SHROOM3: variants seen among roughly 807,000 people sequenced by gnomAD.
SHROOM3 encodes the protein protein Shroom3.
In SHROOM3, 47 loss-of-function variants were observed where a neutral mutation model predicts 138.6. That is an observed-to-expected ratio of 0.34 (90% CI 0.27 to 0.43). SHROOM3 has a LOEUF of 0.43. Ranked by LOEUF, SHROOM3 falls within the 20% of genes least tolerant of loss-of-function variation. The probability of loss-of-function intolerance (pLI) is 1.00; values close to 1 mark genes in which losing one functional copy is unlikely to be tolerated. For synonymous variants in SHROOM3, 1,062 were observed against 1,063.3 expected (o/e 1.00, Z 0.02); for missense variants, 2,491 against 2,596.5 (o/e 0.96, Z 0.88).
rs551826564 is a variant in SHROOM3, at chr4:76,613,672, A to G, written c.323+57909A>G. Among the ~76,000 whole-genome samples the G allele has an allele frequency of 5.3e-4, 81 of 152,248 alleles. 1 individual carries two copies. Among genetic ancestry groups the G allele is most frequent in the Admixed American group, 5.9e-4 (9 of 15,296 alleles). On this transcript the variant is annotated intron_variant, in intron 2 of 10. Coordinates refer to ENST00000296043, the MANE Select transcript of SHROOM3 (RefSeq NM_020859.4). Reference sequence around the variant, plus strand: ...CTTCCATTCGACTCCTCTTGTTATAATGTTGATAGCAAGGAAGAGAGGGCC... The same window carrying G: ...CTTCCATTCGACTCCTCTTGTTATAGTGTTGATAGCAAGGAAGAGAGGGCC...
intron 2 of SHROOM3, among the ~76,000 whole-genome samples, chr4:76,665,287 G>A (rs1041708764): frequency 1.3e-5 from 2 of 152,146 alleles, no homozygotes; most frequent in African/African-American, 4.8e-5. Flanking sequence ...CATGTGGCCT[G>A]GCTGGGATCC....
chr4:76,576,548 CA>C (rs1287830463), intron 2 of SHROOM3, among the ~76,000 whole-genome samples: 1 of 152,074 alleles, frequency 6.6e-6, no homozygotes, highest in Non-Finnish European at 1.5e-5. Flanking sequence ...TTAATGCATA[CA>C]AAAAGGTAGG....
At chr4:76,437,586 T>C (rs1313296762) in intron 1 of SHROOM3, among the ~76,000 whole-genome samples, 2 of 152,220 alleles carry the variant, frequency 1.3e-5, no homozygotes, top group African/African-American at 4.8e-5. Flanking sequence ...TTCATCTCAT[T>C]AACCAGAACT....
intron 1 of SHROOM3, among the ~76,000 whole-genome samples, chr4:76,491,152 A>C (rs1731841519): frequency 6.6e-6 from 1 of 152,020 alleles, no homozygotes; most frequent in South Asian, 2.1e-4. Context: ...AAGATGGAAG[A>C]CTCCCTGAGA....
intron 2 of SHROOM3, among the ~76,000 whole-genome samples, chr4:76,590,081 G>GCT (rs1230155244): frequency 6.6e-6 from 1 of 152,138 alleles, no homozygotes. Context: ...GCACTAAAAT[G>GCT]CTTCAGGCCA....
At chr4:76,654,881 A>C (rs765112860) in intron 2 of SHROOM3, among the ~76,000 whole-genome samples, 24 of 152,324 alleles carry the variant, frequency 1.6e-4, no homozygotes, top group Admixed American at 3.3e-4. Flanking sequence ...CAAAGGAGAA[A>C]GTTGCTTAGC....
chr4:76,490,512 G>A (rs954045237), intron 1 of SHROOM3, among the ~76,000 whole-genome samples: 5 of 151,980 alleles, frequency 3.3e-5, no homozygotes, highest in African/African-American at 1.2e-4. Context: ...GTCTCGGCCT[G>A]TCAAAGTGCT....
chr4:76,485,727 A>G (rs910106088), intron 1 of SHROOM3, among the ~76,000 whole-genome samples: 1 of 152,218 alleles, frequency 6.6e-6, no homozygotes, highest in African/African-American at 2.4e-5. Context: ...TTGAAAATAA[A>G]TAGAAGAGAG....
At chr4:76,651,671 G>T (rs142866826) in intron 2 of SHROOM3, among the ~76,000 whole-genome samples, 13 of 152,022 alleles carry the variant, frequency 8.6e-5, no homozygotes, top group African/African-American at 3.1e-4. Context: ...GCCAGCTAGT[G>T]CTGCATTTTC....
chr4:76,620,125 T>C (rs997097627), intron 2 of SHROOM3, among the ~76,000 whole-genome samples: 2 of 147,436 alleles, frequency 1.4e-5, no homozygotes, highest in African/African-American at 5.0e-5. Context: ...TAGGATTTGA[T>C]CACTAATTTT....
intron 1 of SHROOM3, among the ~76,000 whole-genome samples, chr4:76,538,627 T>C (rs1733032361): frequency 6.6e-6 from 1 of 152,292 alleles, no homozygotes; most frequent in African/African-American, 2.4e-5. Flanking sequence ...GAAAAAATGT[T>C]CTGAAATTTG....
intron 1 of SHROOM3, among the ~76,000 whole-genome samples, chr4:76,488,321 G>C (rs892474053): frequency 6.6e-6 from 1 of 152,246 alleles, no homozygotes; most frequent in East Asian, 1.9e-4. Context: ...TGAGGTCCTA[G>C]AATTAATGGA....
intron 1 of SHROOM3, among the ~76,000 whole-genome samples, chr4:76,489,729 TC>T (rs1374557134): frequency 6.6e-6 from 1 of 152,148 alleles, no homozygotes; most frequent in African/African-American, 2.4e-5. Flanking sequence ...CTTGGGACTC[TC>T]CTTTGTCAAT....
rs60097827 is a variant in SHROOM3, at chr4:76,633,192, G to A, written c.324-76964G>A. Reference sequence around the variant, plus strand: ...TTGAGACCATCCTGGCTAACTTGGTGAGTCTCTATGTGGTGGCACACATCC... The same window carrying A: ...TTGAGACCATCCTGGCTAACTTGGTAAGTCTCTATGTGGTGGCACACATCC... On this transcript the variant is annotated intron_variant, in intron 2 of 10. Coordinates refer to ENST00000296043, the MANE Select transcript of SHROOM3 (RefSeq NM_020859.4). Among the ~76,000 whole-genome samples the A allele has an allele frequency of 2.9e-3, 444 of 151,760 alleles. 2 individuals carry two copies. Among genetic ancestry groups the A allele is most frequent in the African/African-American group, 0.01 (425 of 41,368 alleles).
At chr4:76,753,014 T>C (rs1721681223) in intron 6 of SHROOM3, among the ~76,000 whole-genome samples, 1 of 152,150 alleles carries the variant, frequency 6.6e-6, no homozygotes, top group South Asian at 2.1e-4. Context: ...ACGTCACTGT[T>C]CAACAGACAT....
At chr4:76,676,432 G>A (rs943700414) in intron 2 of SHROOM3, among the ~76,000 whole-genome samples, 7 of 152,040 alleles carry the variant, frequency 4.6e-5, no homozygotes, top group African/African-American at 1.7e-4. Flanking sequence ...TGTTTTAATG[G>A]TATCAATAGA....
At chr4:76,569,951 C>G (rs896873129) in intron 2 of SHROOM3, among the ~76,000 whole-genome samples, 2 of 152,090 alleles carry the variant, frequency 1.3e-5, no homozygotes, top group African/African-American at 4.8e-5. Context: ...ATGTAAGAGA[C>G]AAAAGGATGA....
At chr4:76,525,579 A>T (rs572612935) in intron 1 of SHROOM3, among the ~76,000 whole-genome samples, 2 of 152,192 alleles carry the variant, frequency 1.3e-5, no homozygotes, top group South Asian at 4.1e-4. Flanking sequence ...GATGCTGAAC[A>T]TCATTTCATG....
chr4:76,640,210 G>A (rs1371050070), intron 2 of SHROOM3, among the ~76,000 whole-genome samples: 1 of 152,150 alleles, frequency 6.6e-6, no homozygotes, highest in Non-Finnish European at 1.5e-5. Context: ...GTCTTTGTGT[G>A]TGTGTCTACG....
Sources: gnomAD v4.1 joint callset for allele counts (sites outside exome capture counted in the v4.1 genomes callset) on GRCh38, gnomAD v4.1.1 for gene constraint, MANE v1.5 for transcripts, NCBI Gene and HGNC (gene_info 2026-07-23, HGNC 2026-07-21) for gene names.